Variants in OTOGL observed in about 807,000 individuals in gnomAD.
OTOGL encodes otogelin-like protein.
In OTOGL, 285 loss-of-function variants were observed where a neutral mutation model predicts 318.5. The ratio of observed to expected loss-of-function variants is 0.89; its 90% CI spans 0.81 to 0.99. OTOGL has a LOEUF of 0.99. Ranked by LOEUF, OTOGL falls within the 50% of genes least tolerant of loss-of-function variation. OTOGL has a pLI of 0.00. For missense variants in OTOGL, 2,899 were observed against 2,845.6 expected (o/e 1.02, Z -0.43); for synonymous variants, 987 against 936.5 (o/e 1.05, Z -0.99).
chr12:80,209,782 T>C (rs188987173), intron 2 of OTOGL, among the ~76,000 whole-genome samples: 8 of 152,254 alleles, frequency 5.3e-5, no homozygotes, highest in African/African-American at 9.6e-5. Context: ...TTTCATTTCT[T>C]GAATCTTTTT....
rs114927155 is a variant in OTOGL at position 80,215,313 on chromosome 12, A to C, written c.169-2285A>C. Among the ~76,000 whole-genome samples the C allele has an allele frequency of 2.4e-3, 364 of 151,962 alleles. 1 individual carries two copies. The highest frequency in any genetic ancestry group is 8.6e-3 in the African/African-American group (355 of 41,456). ...TCCTGAGTACTGGGATTATAGGCAC[A>C]TACCACAAACCCTGGCTAATTTTCT... On this transcript the variant is annotated intron_variant, in intron 4 of 58. Coordinates refer to ENST00000547103, the MANE Select transcript of OTOGL (RefSeq NM_001378609.3).
At chr12:80,271,532 A>G in intron 23 of OTOGL, 116 bp from the exon 24 acceptor site, 2 of 983,114 alleles carry the variant, frequency 2.0e-6, no homozygotes, top group Non-Finnish European at 2.9e-6. Flanking sequence ...GAAGGCAGCT[A>G]ACATTCTCAA....
At chr12:80,269,548 C>G (rs1883246801) in intron 22 of OTOGL, among the ~76,000 whole-genome samples, 1 of 152,154 alleles carries the variant, frequency 6.6e-6, no homozygotes, top group Admixed American at 6.6e-5. Context: ...CAGCCTGTCC[C>G]TTCCTGCATT....
At chr12:80,184,119 A>G (rs1035890170) in intron 1 of OTOGL, among the ~76,000 whole-genome samples, 8 of 152,202 alleles carry the variant, frequency 5.3e-5, no homozygotes, top group Non-Finnish European at 7.3e-5. Context: ...GAAAATATGT[A>G]GCATGTGGCC....
intron 24 of OTOGL, among the ~76,000 whole-genome samples, chr12:80,274,189 G>A (rs922592974): frequency 6.6e-6 from 1 of 152,050 alleles, no homozygotes. Flanking sequence ...CATATTGAAA[G>A]CTGAGATGGG....
Position 80,321,434 on chromosome 12 carries a change from A to AT in OTOGL, c.4081+738dup, listed in dbSNP as rs1189391613. 2.0e-5 allele frequency among the ~76,000 whole-genome samples: 3 copies of AT among 152,172 alleles called. No individual in the cohort carries two copies. In the East Asian group the frequency reaches 5.8e-4, roughly 29 times the overall value. ...TTTCTGCAAGCCCTTCTAATAATAGATTTTAAACAGTACAAATTGAGCTTC... is the reference window on the plus strand; with the variant it reads ...TTTCTGCAAGCCCTTCTAATAATAGATTTTTAAACAGTACAAATTGAGCTTC... On this transcript the variant is annotated intron_variant, in intron 34 of 58. Transcript: ENST00000547103.
At chr12:80,301,311 A>T (rs1454762282) in intron 27 of OTOGL, among the ~76,000 whole-genome samples, 1 of 152,216 alleles carries the variant, frequency 6.6e-6, no homozygotes, top group Non-Finnish European at 1.5e-5. Flanking sequence ...GTATATTCCT[A>T]CTTTACAATA....
At chr12:80,349,759 A>G (rs927842482) in intron 44 of OTOGL, among the ~76,000 whole-genome samples, 1 of 152,044 alleles carries the variant, frequency 6.6e-6, no homozygotes, top group African/African-American at 2.4e-5. Context: ...AAGAAAGTCA[A>G]ATCTTAGGGT....
chr12:80,256,289 C>A, intron 16 of OTOGL, 48 bp from the exon 17 acceptor site: 2 of 1,457,220 alleles, frequency 1.4e-6, no homozygotes, highest in Admixed American at 1.8e-5. Context: ...CTTTCTATGG[C>A]TCTCTCTCTC....
chr12:80,171,089 T>G (rs1433836084), intron 1 of OTOGL, among the ~76,000 whole-genome samples: 1 of 152,050 alleles, frequency 6.6e-6, no homozygotes, highest in Non-Finnish European at 1.5e-5. Flanking sequence ...TAATTTCGTT[T>G]TTTGAGTCAG....
intron 29 of OTOGL, among the ~76,000 whole-genome samples, chr12:80,308,003 G>T (rs1187256245): frequency 2.1e-5 from 3 of 142,812 alleles, no homozygotes; most frequent in Admixed American, 6.8e-5. Context: ...GCCGGGCAGA[G>T]GCGCCCCTCA....
At chr12:80,176,321 C>A (rs1052139140) in intron 1 of OTOGL, among the ~76,000 whole-genome samples, 8 of 152,072 alleles carry the variant, frequency 5.3e-5, no homozygotes, top group Non-Finnish European at 8.8e-5. Flanking sequence ...CTTATTAAGC[C>A]ATCACCACAA....
chr12:80,267,481 G>A (rs1019897057), intron 22 of OTOGL, among the ~76,000 whole-genome samples, 154 bp downstream of exon 22: 3 of 151,092 alleles, frequency 2.0e-5, no homozygotes, highest in African/African-American at 4.9e-5. Context: ...ATACATGTGT[G>A]CCATGTTGGT....
intron 1 of OTOGL, among the ~76,000 whole-genome samples, chr12:80,119,337 T>G (rs998054498): frequency 6.6e-6 from 1 of 152,188 alleles, no homozygotes; most frequent in Non-Finnish European, 1.5e-5. Flanking sequence ...TAGTTCACAG[T>G]CAGAAGGGTA....
rs1173576837 is a variant in OTOGL at position 80,355,627 on chromosome 12, C to T, written c.5594-109C>T. Reference sequence around the variant, plus strand: ...TCTGAGAAAAACAATAGACTTGTGACACATCATTATGTCACTGGGCCATGT... The same window carrying T: ...TCTGAGAAAAACAATAGACTTGTGATACATCATTATGTCACTGGGCCATGT... On this transcript the variant is annotated intron_variant, in intron 46 of 58. Transcript: ENST00000547103. 1.3e-5 allele frequency: 10 copies of T among 775,822 alleles called. No homozygotes were observed. In the East Asian group the frequency reaches 2.8e-4, roughly 21 times the overall value. 48.1% of individuals were successfully genotyped at this position (775,822 alleles called of 1,614,324 possible). A position where few individuals can be genotyped will look rare whatever the true frequency, so the allele number is the denominator to read the frequency against.
At chr12:80,296,036 G>A (rs1247416950) in intron 26 of OTOGL, among the ~76,000 whole-genome samples, 1 of 152,112 alleles carries the variant, frequency 6.6e-6, no homozygotes, top group Admixed American at 6.5e-5. Flanking sequence ...CTACCTGGAG[G>A]TGGAAGTGTG....
At chr12:80,236,019 T>G (rs1159160628) in intron 9 of OTOGL, among the ~76,000 whole-genome samples, 1 of 152,176 alleles carries the variant, frequency 6.6e-6, no homozygotes, top group Non-Finnish European at 1.5e-5. Context: ...ATTAGAAAAA[T>G]CTTTAGAGAG....
intron 1 of OTOGL, among the ~76,000 whole-genome samples, chr12:80,102,419 A>G (rs2137065057): frequency 6.6e-6 from 1 of 152,302 alleles, no homozygotes; most frequent in Non-Finnish European, 1.5e-5. Flanking sequence ...GCAATTGCCT[A>G]GTAGTCCAAG....
At position 80,298,463 on chromosome 12, in the gene OTOGL, T is replaced by C. The variant is rs1281803777; in HGVS notation, c.3063+1502T>C. Among the ~76,000 whole-genome samples, 4 of 152,164 alleles carry C rather than the reference T, an allele frequency of 2.6e-5. No homozygotes were observed. In the East Asian group the frequency reaches 7.7e-4, roughly 29 times the overall value. The stretch of plus-strand genomic sequence containing the variant: ...AGATTTTAGAACCTACTTCTTTAGT[T>C]TGTGTGAGGATTGAAATGCAAATAT... On this transcript the variant is annotated intron_variant, in intron 27 of 58. Coordinates refer to ENST00000547103, the MANE Select transcript of OTOGL (RefSeq NM_001378609.3).
Sources: allele counts gnomAD v4.1 joint callset (sites outside exome capture counted in the v4.1 genomes callset), GRCh38; gene constraint gnomAD v4.1.1; transcripts MANE v1.5; gene names NCBI Gene and HGNC (gene_info 2026-07-23, HGNC 2026-07-21).